UNC93A: variants seen among roughly 807,000 people sequenced by gnomAD.
The protein encoded by UNC93A is N-acetylglucosamine transporter UNC93A.
In UNC93A, 43 loss-of-function variants were observed where a neutral mutation model predicts 47.5. The ratio of observed to expected loss-of-function variants is 0.91; its 90% CI spans 0.71 to 1.17. The LOEUF is 1.17. Ranked by LOEUF, UNC93A falls within the 50% of genes most tolerant of loss-of-function variation. The pLI is 0.00. For missense variants in UNC93A, 605 were observed against 577.6 expected, an observed-to-expected ratio of 1.05 and a Z score of -0.49; for synonymous variants, 280 against 258.0, an observed-to-expected ratio of 1.09 and a Z score of -0.82.
At chr6:167,281,689 G>C (rs1783636555) in intron 1 of UNC93A, among the ~76,000 whole-genome samples, 1 of 152,170 alleles carries the variant, frequency 6.6e-6, no homozygotes, top group Non-Finnish European at 1.5e-5. Flanking sequence ...AAAAAGGTGA[G>C]AGGGGCTTTT....
chr6:167,298,085 G>C lies in UNC93A; in HGVS notation c.625+15G>C. On this transcript the variant is annotated intron_variant, in intron 4 of 7. Coordinates refer to ENST00000230256, the MANE Select transcript of UNC93A (RefSeq NM_018974.4). ...CATCTACACTGGTACGAGCTCCATCGGCCCAGGGCAGGGTCCCTAGCAAAG... is the reference window on the plus strand; with the variant it reads ...CATCTACACTGGTACGAGCTCCATCCGCCCAGGGCAGGGTCCCTAGCAAAG... The C allele has an allele frequency of 6.2e-7, 1 of 1,612,104 alleles. No homozygotes were observed. The highest frequency in any genetic ancestry group is 1.3e-5 in the African/African-American group (1 of 74,950).
intron 4 of UNC93A, among the ~76,000 whole-genome samples, chr6:167,300,281 G>T (rs1481268400): frequency 6.6e-6 from 1 of 152,194 alleles, no homozygotes; most frequent in Non-Finnish European, 1.5e-5. Flanking sequence ...AAAGCAGAGG[G>T]AATTGTTACA....
At position 167,315,524 on chromosome 6, in the gene UNC93A, A is replaced by T; in HGVS notation, c.*72A>T. On this transcript the variant is annotated 3_prime_UTR_variant, in exon 8 of 8. Transcript: ENST00000230256. The stretch of plus-strand genomic sequence containing the variant: ...GAATTTTCTTAGAAGATGCCTCAGG[A>T]CATAGAGCGGCTCCTCATCACCATC... 6.2e-7 allele frequency: 1 copy of T among 1,610,364 alleles called. No homozygotes were observed. The highest frequency in any genetic ancestry group is 8.5e-7 in the Non-Finnish European group (1 of 1,178,944).
At chr6:167,289,874 A>G (rs388788), upstream of UNC93A, among the ~76,000 whole-genome samples, 15 of 152,198 alleles carry the variant, frequency 9.9e-5, no homozygotes, top group South Asian at 2.1e-4. Context: ...AGAAGTCCAC[A>G]TTATGCTAAT....
Position 167,294,701 on chromosome 6 carries a change from A to T in UNC93A, c.269+3A>T, listed in dbSNP as rs777209886. 3 of 1,585,042 alleles carry T rather than the reference A, an allele frequency of 1.9e-6. No individual in the cohort carries two copies. In the South Asian group the frequency reaches 3.5e-5, roughly 18 times the overall value. On this transcript the variant is annotated splice_donor_region_variant and intron_variant, in intron 2 of 7. Coordinates refer to ENST00000230256, the MANE Select transcript of UNC93A (RefSeq NM_018974.4). ...GTGGGCAACTTCTTCGCCAGCTGGT[A>T]CGCAGCCACCACCCCCTGCCCACCC...
At chr6:167,312,502 A>C (rs1055072030) in intron 7 of UNC93A, among the ~76,000 whole-genome samples, 1 of 152,220 alleles carries the variant, frequency 6.6e-6, no homozygotes, top group African/African-American at 2.4e-5. Context: ...ATTGATCTGC[A>C]TCAGCATGGG....
chr6:167,299,746 A>G (rs1274548899), intron 4 of UNC93A, among the ~76,000 whole-genome samples: 1 of 152,228 alleles, frequency 6.6e-6, no homozygotes, highest in Non-Finnish European at 1.5e-5. Flanking sequence ...TTGGCCAGGC[A>G]GGGAAGTGAT....
chr6:167,280,589 ACAG>A, intron 1 of UNC93A, among the ~76,000 whole-genome samples: 3 of 152,110 alleles, frequency 2.0e-5, no homozygotes, highest in African/African-American at 7.2e-5. Context: ...AGAGAGTCAG[ACAG>A]AGAGCCCCGA....
intron 7 of UNC93A, among the ~76,000 whole-genome samples, chr6:167,313,233 G>C (rs1158188198): frequency 6.6e-6 from 1 of 152,174 alleles, no homozygotes; most frequent in Non-Finnish European, 1.5e-5. Flanking sequence ...GGAACCTACT[G>C]TCTCCCAAAC....
At chr6:167,303,283 T>C (rs1778292474) in intron 4 of UNC93A, among the ~76,000 whole-genome samples, 1 of 152,192 alleles carries the variant, frequency 6.6e-6, no homozygotes, top group African/African-American at 2.4e-5. Context: ...TAAATTCAAT[T>C]GGTAGCGCAC....
At chr6:167,275,814 T>C (rs1195416753) in intron 1 of UNC93A, among the ~76,000 whole-genome samples, 2 of 152,158 alleles carry the variant, frequency 1.3e-5, no homozygotes, top group Non-Finnish European at 2.9e-5. Context: ...AAGAAGTGAG[T>C]CTTTTGATTG....
rs747576991 is a variant in UNC93A, at chr6:167,315,254, C to G, written c.1176C>G (p.Ala392=). Residue 392 remains alanine, a synonymous_variant, in exon 8 of 8, where the codon GCC becomes GCG. Coordinates refer to ENST00000230256, the MANE Select transcript of UNC93A (RefSeq NM_018974.4). ...TCGCCAATTACCGCCTGTGGGAGGC[C>G]CTGGGCTTCGTCATTGCCTTCGGGT... ...AAFANYRLWE[A]LGFVIAFGYS... is the part of the protein sequence containing the mutation. The G allele has an allele frequency of 2.5e-6, 4 of 1,613,708 alleles. No individual in the cohort carries two copies. The highest frequency in any genetic ancestry group is 3.4e-6 in the Non-Finnish European group (4 of 1,179,842).
At chr6:167,284,779 A>C (rs1308651605) in intron 1 of UNC93A, among the ~76,000 whole-genome samples, 1 of 152,066 alleles carries the variant, frequency 6.6e-6, no homozygotes, top group Admixed American at 6.5e-5. Context: ...GCAGACCCAC[A>C]GTCTGGGACT....
upstream of UNC93A, chr6:167,291,277 C>T (rs139616499): frequency 5.1e-3 from 2,145 of 419,418 alleles, 42 homozygotes; most frequent in East Asian, 0.034. Context: ...AGTAACAGAG[C>T]TCCCGTATGC....
At chr6:167,288,651 T>C (rs553770983), upstream of UNC93A, among the ~76,000 whole-genome samples, 1 of 152,340 alleles carries the variant, frequency 6.6e-6, no homozygotes, top group South Asian at 2.1e-4. Context: ...CAGATGTAAA[T>C]GTCAAGAAAA....
chr6:167,278,858 T>C (rs866620371), intron 1 of UNC93A, among the ~76,000 whole-genome samples: 3 of 151,846 alleles, frequency 2.0e-5, no homozygotes, highest in African/African-American at 7.3e-5. Flanking sequence ...AGTTACAGAA[T>C]CATCTACACG....
intron 1 of UNC93A, among the ~76,000 whole-genome samples, chr6:167,292,257 TC>T (rs1250640195): frequency 6.6e-6 from 1 of 152,134 alleles, no homozygotes; most frequent in Non-Finnish European, 1.5e-5. Context: ...CTATTGTTAC[TC>T]CCCCGGCTTA....
At chr6:167,286,994 AAAAAAAAAAAT>A (rs1416185030), upstream of UNC93A, among the ~76,000 whole-genome samples, 4 of 115,698 alleles carry the variant, frequency 3.5e-5, no homozygotes, top group African/African-American at 1.0e-4. Context: ...AAAAAAAAAA[AAAAAAAAAAAT>A]TCCAGCATAA....
intron 4 of UNC93A, 37 bp downstream of exon 4, chr6:167,298,107 A>G (rs1778142676): frequency 6.3e-7 from 1 of 1,597,902 alleles, no homozygotes; most frequent in Non-Finnish European, 8.5e-7. Flanking sequence ...GGTCCCTAGC[A>G]AAGCAGAGCC....
Sources: allele counts gnomAD v4.1 joint callset (sites outside exome capture counted in the v4.1 genomes callset), GRCh38; gene constraint gnomAD v4.1.1; transcripts MANE v1.5; gene names NCBI Gene and HGNC (gene_info 2026-07-23, HGNC 2026-07-21).